The following LTV1 variants were observed in gnomAD, a reference collection of about 807,000 sequenced individuals.
LTV1 encodes LTV1 ribosome biogenesis factor, also known as protein LTV1 homolog.
A neutral mutation model predicts 59.9 loss-of-function variants in LTV1; 39 were observed. That is an observed-to-expected ratio of 0.65 (90% CI 0.50 to 0.85). LTV1 has a LOEUF of 0.85. Among genes scored for constraint, LTV1 ranks in the 40% least tolerant of loss-of-function variants. The probability of loss-of-function intolerance (pLI) is 0.00; values close to 1 mark genes in which losing one functional copy is unlikely to be tolerated. For missense variants in LTV1, 493 were observed against 549.1 expected, an observed-to-expected ratio of 0.90 and a Z score of 1.02; for synonymous variants, 171 against 189.5, an observed-to-expected ratio of 0.90 and a Z score of 0.80.
At chr6:143,854,047 T>G (rs1420840864) in intron 4 of LTV1, among the ~76,000 whole-genome samples, 1 of 152,228 alleles carries the variant, frequency 6.6e-6, no homozygotes, top group Non-Finnish European at 1.5e-5. Context: ...TCTCTGTACC[T>G]CTGGTAGAAT....
rs1450535890 is a variant in LTV1, at chr6:143,863,208, A to G, written c.1239A>G (p.Val413=). 2.5e-6 allele frequency: 4 copies of G among 1,613,980 alleles called. No homozygotes were observed. Among genetic ancestry groups the G allele is most frequent in the Non-Finnish European group, 3.4e-6 (4 of 1,179,976 alleles). ...QMINGSDLPK[V]STQPRSKNES... ...TTAATGGCAGTGATCTTCCTAAAGT[A>G]TCAACTCAGCCACGTTCTAAAAATG... is the stretch of plus-strand genomic sequence containing the variant. Residue 413 remains valine (V), a synonymous_variant, in exon 10 of 11, where the codon GTA becomes GTG. Coordinates refer to ENST00000367576, the MANE Select transcript of LTV1 (RefSeq NM_032860.5). This position sits in a 1 kb window ranked among gnomAD's most constrained non-coding sequence, Gnocchi z 4.5.
chr6:143,846,653 G>T (rs1195691497), intron 3 of LTV1, among the ~76,000 whole-genome samples: 1 of 152,198 alleles, frequency 6.6e-6, no homozygotes, highest in South Asian at 2.1e-4. Context: ...AGAATGAGTG[G>T]ATGATAATAA....
chr6:143,855,847 C>T lies in LTV1; in HGVS notation c.398-1456C>T, dbSNP rs2128491733. 6.6e-6 allele frequency among the ~76,000 whole-genome samples: 1 copy of T among 152,254 alleles called. No individual in the cohort carries two copies. The highest frequency in any genetic ancestry group is 2.1e-4 in the South Asian group (1 of 4,824). On this transcript the variant is annotated intron_variant, in intron 4 of 10. Coordinates refer to ENST00000367576, the MANE Select transcript of LTV1 (RefSeq NM_032860.5). This position sits in a 1 kb window ranked among gnomAD's most constrained non-coding sequence, Gnocchi z 4.6. ...TGATGGGCTTCTCTTTGTGGGTAAC[C>T]CGACCTTTCTCTCTGGCTGCCCTTA...
In LTV1 at chr6:143,863,562, G is replaced by A. The variant is rs145378803; in HGVS notation, c.*35G>A. ...CATACAGGGCAAGGCACTTTATTAG[G>A]GGCTCCTCATCTTTGGTTATTGACT... On this transcript the variant is annotated 3_prime_UTR_variant, in exon 11 of 11. Transcript: ENST00000367576. The surrounding 1 kb of genome is among the most constrained non-coding windows in gnomAD (Gnocchi z 4.5). The A allele has an allele frequency of 6.0e-4, 825 of 1,380,856 alleles. 8 individuals carry two copies. In the African/African-American group the frequency reaches 0.011, roughly 18 times the overall value. The allele number at this position is 1,380,856 out of a possible 1,614,324, so 85.5% of individuals were successfully genotyped here.
rs1304859687 is a variant in LTV1, at chr6:143,863,667, A to C, written c.*140A>C. Reference sequence around the variant, plus strand: ...AATACAATATTTGTATTATTTTTATACTAGTAAGTGTCCCCTGCCAACCAT... The same window carrying C: ...AATACAATATTTGTATTATTTTTATCCTAGTAAGTGTCCCCTGCCAACCAT... On this transcript the variant is annotated 3_prime_UTR_variant, in exon 11 of 11. Coordinates refer to ENST00000367576, the MANE Select transcript of LTV1 (RefSeq NM_032860.5). The surrounding 1 kb of genome is among the most constrained non-coding windows in gnomAD (Gnocchi z 4.5). The C allele has an allele frequency of 1.9e-6, 1 of 522,096 alleles. No homozygotes were observed. The highest frequency in any genetic ancestry group is 3.5e-5 in the Admixed American group (1 of 28,198). 32.3% of individuals were successfully genotyped at this position (522,096 alleles called of 1,614,324 possible).
At chr6:143,851,937 TG>T (rs1181812291) in intron 4 of LTV1, among the ~76,000 whole-genome samples, 4 of 152,200 alleles carry the variant, frequency 2.6e-5, no homozygotes, top group African/African-American at 4.8e-5. Flanking sequence ...TATTCCATGG[TG>T]TATATGTGCC....
rs889584344 is a variant in LTV1 at position 143,844,358 on chromosome 6, C to T, written c.4-128C>T. 8 of 953,730 alleles carry T rather than the reference C, an allele frequency of 8.4e-6. No homozygotes were observed. In the African/African-American group the frequency reaches 1.3e-4, roughly 16 times the overall value. The allele number at this position is 953,730 out of a possible 1,614,324, so 59.1% of individuals were successfully genotyped here. ...TGCAGAACACAGCTGATGTTGCCTGCCCTAGAAGTGTAGATTTTTAAAAAG... is the reference window on the plus strand; with the variant it reads ...TGCAGAACACAGCTGATGTTGCCTGTCCTAGAAGTGTAGATTTTTAAAAAG... On this transcript the variant is annotated intron_variant, in intron 1 of 10. Coordinates refer to ENST00000367576, the MANE Select transcript of LTV1 (RefSeq NM_032860.5).
intron 3 of LTV1, among the ~76,000 whole-genome samples, chr6:143,849,192 A>G (rs566445564): frequency 4.6e-5 from 7 of 152,310 alleles, no homozygotes; most frequent in African/African-American, 1.7e-4. Flanking sequence ...GGTTAACTAT[A>G]AATGAGGTGA....
At position 143,844,518 on chromosome 6, in the gene LTV1, G is replaced by A. The variant is rs768497226; in HGVS notation, c.36G>A (p.Lys12=). 6.2e-6 allele frequency: 10 copies of A among 1,613,890 alleles called. No homozygotes were observed. The Admixed American group carries it at 1.0e-4, about 16-fold the overall frequency. The change falls in exon 2 of 11, where the codon AAG becomes AAA. Residue 12 remains lysine, a synonymous_variant. Transcript: ENST00000367576. ...GGAAGAAAAAGCCCTTTATAGAGAAGAAGAAAGCTGTGTCTTTTCACTTGG... is the reference window on the plus strand; with the variant it reads ...GGAAGAAAAAGCCCTTTATAGAGAAAAAGAAAGCTGTGTCTTTTCACTTGG... The part of the protein sequence containing the change: ...PHRKKKPFIE[K]KKAVSFHLVH...
intron 1 of LTV1, among the ~76,000 whole-genome samples, 178 bp from the exon 2 acceptor site, chr6:143,844,308 T>C (rs1027827802): frequency 1.5e-4 from 23 of 152,250 alleles, no homozygotes; most frequent in Non-Finnish European, 3.1e-4. Context: ...GGAATGTTTG[T>C]TGAAGGAAGG....
intron 7 of LTV1, 90 bp downstream of exon 7, chr6:143,860,643 G>A: frequency 3.6e-6 from 4 of 1,109,160 alleles, no homozygotes; most frequent in South Asian, 2.9e-5. Flanking sequence ...ACTGAATTGA[G>A]GAAAAAATTA....
chr6:143,853,147 C>T (rs909948726), intron 4 of LTV1, among the ~76,000 whole-genome samples: 2 of 152,194 alleles, frequency 1.3e-5, no homozygotes, highest in Non-Finnish European at 2.9e-5. Flanking sequence ...TTTCTTTGAG[C>T]AGTGGTTTGT....
Position 143,862,994 on chromosome 6 carries a change from A to G in LTV1, c.1117-92A>G. Reference sequence around the variant, plus strand: ...ACTTTTTATCTTTATGGCTAGAGTGATATTAGAAAAAGCATCAACAGTATG... The same window carrying G: ...ACTTTTTATCTTTATGGCTAGAGTGGTATTAGAAAAAGCATCAACAGTATG... On this transcript the variant is annotated intron_variant, in intron 9 of 10. Coordinates refer to ENST00000367576, the MANE Select transcript of LTV1 (RefSeq NM_032860.5). The surrounding 1 kb of genome is among the most constrained non-coding windows in gnomAD (Gnocchi z 4.2). 1.4e-6 allele frequency: 2 copies of G among 1,445,506 alleles called. No homozygotes were observed. Among genetic ancestry groups the G allele is most frequent in the Non-Finnish European group, 1.9e-6 (2 of 1,029,604 alleles). The allele number at this position is 1,445,506 out of a possible 1,614,324, so 89.5% of individuals were successfully genotyped here.
intron 3 of LTV1, among the ~76,000 whole-genome samples, chr6:143,848,578 A>C (rs1776932309): frequency 6.6e-6 from 1 of 152,152 alleles, no homozygotes. Flanking sequence ...GGCTGAGGAT[A>C]GGGCAGGTGG....
rs1399041395 is a variant in LTV1 at position 143,857,308 on chromosome 6, C to T, written c.403C>T (p.Arg135Ter). The T allele has an allele frequency of 5.0e-6, 8 of 1,613,398 alleles. No homozygotes were observed. In the African/African-American group the frequency reaches 5.3e-5, roughly 11 times the overall value. Residue 135 changes from arginine to a stop codon, truncating the protein, a stop_gained, in exon 5 of 11, where the codon CGA becomes TGA. Transcript: ENST00000367576. LOFTEE classifies it high-confidence loss of function. The surrounding 1 kb of genome is among the most constrained non-coding windows in gnomAD (Gnocchi z 5.2). ...AATTTTTGTTTTCCTTCTAGGACCTCGACTGGATTTTGATCCTGACATTGT... is the reference window on the plus strand; with the variant it reads ...AATTTTTGTTTTCCTTCTAGGACCTTGACTGGATTTTGATCCTGACATTGT... ...LNKAAPVSGP[R>*]LDFDPDIVAA...
chr6:143,843,354 G>A lies in LTV1; in HGVS notation c.-124G>A, dbSNP rs1014200486. ...GCCGGCTGGGTGACGTTATCGCCGG[G>A]TCCTGGGGCTGCACGTGTGGTGAGG... On this transcript the variant is annotated 5_prime_UTR_variant, in exon 1 of 11. Coordinates refer to ENST00000367576, the MANE Select transcript of LTV1 (RefSeq NM_032860.5). 1 of 1,213,346 alleles carries A rather than the reference G, an allele frequency of 8.2e-7. No individual in the cohort carries two copies. Among genetic ancestry groups the A allele is most frequent in the Non-Finnish European group, 1.2e-6 (1 of 826,596 alleles). 75.2% of individuals were successfully genotyped at this position (1,213,346 alleles called of 1,614,324 possible).
chr6:143,855,215 T>G lies in LTV1; in HGVS notation c.398-2088T>G, dbSNP rs1019084763. On this transcript the variant is annotated intron_variant, in intron 4 of 10. Transcript: ENST00000367576. The surrounding 1 kb of genome is among the most constrained non-coding windows in gnomAD (Gnocchi z 4.6). ...CTATTATGTAATGCCCTTCTTTGTG[T>G]TTTTTGATCTTTGTTGGTTTAGAGT... is the stretch of plus-strand genomic sequence containing the variant. Among the ~76,000 whole-genome samples the G allele has an allele frequency of 1.3e-5, 2 of 152,180 alleles. No individual in the cohort carries two copies. The highest frequency in any genetic ancestry group is 4.8e-5 in the African/African-American group (2 of 41,440).
At chr6:143,853,423 A>G (rs951321295) in intron 4 of LTV1, among the ~76,000 whole-genome samples, 1 of 152,196 alleles carries the variant, frequency 6.6e-6, no homozygotes, top group East Asian at 1.9e-4. Context: ...AACAGAGACA[A>G]TTTGACTTCC....
Position 143,863,714 on chromosome 6 carries a change from T to C in LTV1, c.*187T>C. The stretch of plus-strand genomic sequence containing the variant: ...CCATCTTGTAAATATTGTAATACTT[T>C]AATTTTTAATATTATAAGCTTACAT... On this transcript the variant is annotated 3_prime_UTR_variant, in exon 11 of 11. Transcript: ENST00000367576. This position sits in a 1 kb window ranked among gnomAD's most constrained non-coding sequence, Gnocchi z 4.5. 1.1e-5 allele frequency: 5 copies of C among 437,874 alleles called. No individual in the cohort carries two copies. Among genetic ancestry groups the C allele is most frequent in the Non-Finnish European group, 1.2e-5 (3 of 241,806 alleles). The allele number at this position is 437,874 out of a possible 1,614,324, so 27.1% of individuals were successfully genotyped here.
Sources: allele counts gnomAD v4.1 joint callset (sites outside exome capture counted in the v4.1 genomes callset), GRCh38; gene constraint gnomAD v4.1.1; non-coding constraint Gnocchi (gnomAD v3.1); transcripts MANE v1.5; gene names NCBI Gene and HGNC (gene_info 2026-07-23, HGNC 2026-07-21).